Variants in TENM2 observed in about 807,000 individuals in gnomAD.
TENM2 encodes teneurin-2.
Under a neutral mutation model 245.2 loss-of-function variants are expected in TENM2, and 52 were observed. That is an observed-to-expected ratio of 0.21 (90% CI 0.17 to 0.27). The LOEUF (loss-of-function observed/expected upper bound fraction) is 0.27, where lower values mean the gene tolerates loss of function less well. TENM2 is among the 10% of genes least tolerant of loss of function. TENM2 has a pLI of 1.00. For missense variants in TENM2, 3,046 were observed against 3,666.8 expected (o/e 0.83, Z 4.37); for synonymous variants, 1,363 against 1,438.9 (o/e 0.95, Z 1.19).
intron 2 of TENM2, among the ~76,000 whole-genome samples, chr5:167,459,681 TTTTC>T (rs920746988): frequency 6.6e-6 from 1 of 152,186 alleles, no homozygotes; most frequent in African/African-American, 2.4e-5. Flanking sequence ...ACACCTGTTA[TTTTC>T]TTTATTTAAA....
intron 2 of TENM2, among the ~76,000 whole-genome samples, chr5:167,587,195 G>T (rs1280442311): frequency 1.3e-5 from 2 of 152,068 alleles, no homozygotes; most frequent in Non-Finnish European, 2.9e-5. Context: ...AGGTTTCATT[G>T]GGTTTTTCCC....
intron 2 of TENM2, among the ~76,000 whole-genome samples, chr5:167,835,689 G>T (rs73803225): frequency 9.0e-4 from 137 of 152,010 alleles, no homozygotes; most frequent in African/African-American, 3.0e-3. Flanking sequence ...TATTCCTAGG[G>T]GTAATGGAAG....
At chr5:168,109,931 T>C (rs1211997703) in intron 9 of TENM2, among the ~76,000 whole-genome samples, 3 of 151,892 alleles carry the variant, frequency 2.0e-5, no homozygotes, top group Non-Finnish European at 2.9e-5. Context: ...ACGCGGCAGC[T>C]CCTGATGTTT....
the TENM2 span, among the ~76,000 whole-genome samples, chr5:167,254,983 TA>T: frequency 1.3e-5 from 2 of 152,124 alleles, no homozygotes; most frequent in South Asian, 4.2e-4. Flanking sequence ...ATTATTTCCT[TA>T]TAGGCCGTGG....
intron 13 of TENM2, among the ~76,000 whole-genome samples, chr5:168,171,736 T>A (rs1325869392): frequency 6.6e-6 from 1 of 152,224 alleles, no homozygotes; most frequent in East Asian, 1.9e-4. Flanking sequence ...ATATCCATTA[T>A]GAAATTGTGA....
intron 2 of TENM2, among the ~76,000 whole-genome samples, chr5:167,606,570 T>G (rs1275076144): frequency 6.6e-6 from 1 of 152,054 alleles, no homozygotes; most frequent in Non-Finnish European, 1.5e-5. Context: ...CTTCAACATA[T>G]GAATTTGGGG....
At chr5:167,835,925 CT>C (rs1768947746) in intron 2 of TENM2, among the ~76,000 whole-genome samples, 1 of 152,102 alleles carries the variant, frequency 6.6e-6, no homozygotes, top group South Asian at 2.1e-4. Flanking sequence ...ACAGTTACCC[CT>C]GGGAAGTGCA....
chr5:167,540,530 T>G (rs1028029692), intron 2 of TENM2, among the ~76,000 whole-genome samples: 1 of 152,218 alleles, frequency 6.6e-6, no homozygotes, highest in African/African-American at 2.4e-5. Flanking sequence ...TTATGTACTG[T>G]CTGTGGCTGG....
At chr5:168,146,849 A>T (rs1265094203) in intron 12 of TENM2, among the ~76,000 whole-genome samples, 1 of 152,178 alleles carries the variant, frequency 6.6e-6, no homozygotes, top group Admixed American at 6.5e-5. Context: ...AGGCTTAATC[A>T]TTGCACTTTG....
the TENM2 span, among the ~76,000 whole-genome samples, chr5:167,116,162 T>C: frequency 1.3e-5 from 2 of 152,114 alleles, no homozygotes; most frequent in Non-Finnish European, 2.9e-5. Flanking sequence ...GAAAGGACTT[T>C]GAAGGATAAA....
chr5:167,738,017 A>G (rs1026279770), intron 2 of TENM2, among the ~76,000 whole-genome samples: 1 of 152,212 alleles, frequency 6.6e-6, no homozygotes, highest in African/African-American at 2.4e-5. Flanking sequence ...CAACCCTTCC[A>G]TGCTAAACTC....
chr5:168,103,722 G>T (rs1251580281), intron 9 of TENM2, among the ~76,000 whole-genome samples: 1 of 152,202 alleles, frequency 6.6e-6, no homozygotes, highest in Non-Finnish European at 1.5e-5. Context: ...GTGTGTGAGT[G>T]TGTGTGCCTT....
At position 167,611,202 on chromosome 5, in the gene TENM2, T is replaced by C. The variant is rs549616611; in HGVS notation, c.502+235729T>C. ...AACTACCACTTATAGTGTACCCTTT[T>C]CAGATCAGACTAGCATTTGACATTA... On this transcript the variant is annotated intron_variant, in intron 2 of 28. Transcript: ENST00000518659. Among the ~76,000 whole-genome samples the C allele has an allele frequency of 3.9e-5, 6 of 152,312 alleles. No homozygotes were observed. The South Asian group carries it at 1.2e-3, about 32-fold the overall frequency.
intron 8 of TENM2, among the ~76,000 whole-genome samples, chr5:168,097,009 G>C (rs943573734): frequency 1.3e-5 from 2 of 152,210 alleles, no homozygotes; most frequent in African/African-American, 2.4e-5. Context: ...ATGCAGGTTA[G>C]AGCCAAATGT....
rs1582533515 is a variant in TENM2 at position 167,609,515 on chromosome 5, A to AAAAAAAAAG, written c.502+234044_502+234045insAAAAAAGAA. 2.0e-3 allele frequency among the ~76,000 whole-genome samples: 172 copies of AAAAAAAAAG among 87,792 alleles called. 3 individuals carry two copies. The highest frequency in any genetic ancestry group is 0.011 in the East Asian group (31 of 2,914). 57.6% of individuals were successfully genotyped at this position (87,792 alleles called of 152,430 possible). On this transcript the variant is annotated intron_variant, in intron 2 of 28. Transcript: ENST00000518659. ...AAAAAAAAAAAAAAAAAAAAAAACA[A>AAAAAAAAAG]AACCTTACCTAGAAGGTTTTTTAGA...
chr5:167,625,324 C>T (rs1246701629), intron 2 of TENM2, among the ~76,000 whole-genome samples: 2 of 152,164 alleles, frequency 1.3e-5, no homozygotes, highest in African/African-American at 4.8e-5. Flanking sequence ...AGACCATTCC[C>T]TGGCTACAGT....
chr5:168,125,122 T>C, intron 11 of TENM2, 72 bp downstream of exon 13: 2 of 1,327,208 alleles, frequency 1.5e-6, no homozygotes, highest in South Asian at 1.3e-5. Context: ...CTCAGATGGA[T>C]GGGAATCTAC....
the TENM2 span, among the ~76,000 whole-genome samples, chr5:167,236,104 A>G: frequency 6.6e-6 from 1 of 152,154 alleles, no homozygotes; most frequent in Admixed American, 6.6e-5. Context: ...TCTCATCAAC[A>G]AAGGAAGTAC....
chr5:167,825,564 G>T lies in TENM2; in HGVS notation c.503-50422G>T, dbSNP rs374465836. Among the ~76,000 whole-genome samples the T allele has an allele frequency of 4.6e-5, 7 of 152,240 alleles. No homozygotes were observed. The East Asian group carries it at 9.7e-4, about 21-fold the overall frequency. ...ACCATTTGACTGGCATTGTCATCTAGCTCCTCTGGCGTGCACACACACATG... is the reference window on the plus strand; with the variant it reads ...ACCATTTGACTGGCATTGTCATCTATCTCCTCTGGCGTGCACACACACATG... On this transcript the variant is annotated intron_variant, in intron 2 of 28. Transcript: ENST00000518659.
Sources: allele counts gnomAD v4.1 joint callset (sites outside exome capture counted in the v4.1 genomes callset), GRCh38; gene constraint gnomAD v4.1.1; transcripts MANE v1.5; gene names NCBI Gene and HGNC (gene_info 2026-07-23, HGNC 2026-07-21).